PCDHGB1: variants seen among roughly 807,000 people sequenced by gnomAD.
PCDHGB1 encodes protocadherin gamma-B1.
A neutral mutation model predicts 56.6 loss-of-function variants in PCDHGB1; 34 were observed. The observed-to-expected ratio is 0.60, with a 90% confidence interval of 0.46 to 0.80. The LOEUF is 0.80. Among genes scored for constraint, PCDHGB1 ranks in the 30% least tolerant of loss-of-function variants. PCDHGB1 has a pLI of 0.00. For synonymous variants in PCDHGB1, 561 were observed against 505.9 expected (o/e 1.11, Z -1.46); for missense variants, 1,278 against 1,204.6 (o/e 1.06, Z -0.90).
rs202040451 is a variant in PCDHGB1, at chr5:141,382,987, C to A, written c.2409+30318C>A. The A allele has an allele frequency of 1.5e-4, 247 of 1,613,278 alleles. 1 individual carries two copies. The East Asian group carries it at 4.5e-3, about 30-fold the overall frequency. On this transcript the variant is annotated intron_variant, in intron 1 of 3. Transcript: ENST00000523390. ...GACCCCCTGGGAAGCCTGGGCAGGA[C>A]GTATTCTCTACTCCGTGTCGGAGGA...
chr5:141,377,563 C>G (rs987370681), intron 1 of PCDHGB1: 4 of 151,534 alleles, frequency 2.6e-5, no homozygotes, highest in African/African-American at 9.7e-5. Context: ...GTCACTGCAC[C>G]CTAGCCTGGG....
At chr5:141,371,409 G>A in intron 1 of PCDHGB1, 7 of 1,614,022 alleles carry the variant, frequency 4.3e-6, no homozygotes, top group Non-Finnish European at 5.9e-6. Context: ...AGATATTTCA[G>A]ATGAAAATGA....
At position 141,490,162 on chromosome 5, in the gene PCDHGB1, A is replaced by G. The variant is rs1371128858; in HGVS notation, c.2410-4645A>G. The G allele has an allele frequency of 1.2e-6, 2 of 1,614,218 alleles. No individual in the cohort carries two copies. The highest frequency in any genetic ancestry group is 1.7e-6 in the Non-Finnish European group (2 of 1,180,028). ...TGGGGCAATCCATGTGTTGGGTCCCATAGACTTTGAGGAGTCACGTTTCTA... is the reference window on the plus strand; with the variant it reads ...TGGGGCAATCCATGTGTTGGGTCCCGTAGACTTTGAGGAGTCACGTTTCTA... On this transcript the variant is annotated intron_variant, in intron 1 of 3. Transcript: ENST00000523390. This position sits in a 1 kb window ranked among gnomAD's most constrained non-coding sequence, Gnocchi z 5.4.
intron 1 of PCDHGB1, among the ~76,000 whole-genome samples, chr5:141,463,316 T>A (rs1290852110): frequency 1.3e-5 from 2 of 151,806 alleles, no homozygotes; most frequent in African/African-American, 2.4e-5. Flanking sequence ...TAATATCTAT[T>A]CCTCAACTCA....
chr5:141,462,051 G>A (rs1370612703), intron 1 of PCDHGB1, among the ~76,000 whole-genome samples: 2 of 152,068 alleles, frequency 1.3e-5, no homozygotes, highest in African/African-American at 4.8e-5. Context: ...TTGAACTCCC[G>A]ACCTCAGGTG....
intron 2 of PCDHGB1, among the ~76,000 whole-genome samples, chr5:141,496,769 C>T (rs1434587849): frequency 2.0e-5 from 3 of 152,064 alleles, no homozygotes; most frequent in African/African-American, 7.3e-5. Flanking sequence ...CGAGCATCTA[C>T]TATGAGCAGG....
chr5:141,375,826 C>T (rs1771941269), intron 1 of PCDHGB1: 2 of 1,614,166 alleles, frequency 1.2e-6, no homozygotes, highest in South Asian at 1.1e-5. Context: ...CGCCCCGCTC[C>T]GCAGAGCCCG....
At chr5:141,389,240 G>A (rs903029281) in intron 1 of PCDHGB1, 4 of 1,613,902 alleles carry the variant, frequency 2.5e-6, no homozygotes, top group African/African-American at 1.3e-5. Context: ...TTTTCTCACA[G>A]TCTTCCTATA....
chr5:141,391,331 G>A (rs75432065), intron 1 of PCDHGB1: 5 of 95,914 alleles, frequency 5.2e-5, no homozygotes, highest in Non-Finnish European at 6.3e-5. Context: ...TTTTTTTTTT[G>A]AGACAGAGTC....
rs1173991946 is a variant in PCDHGB1 at position 141,351,550 on chromosome 5, C to T, written c.1290C>T (p.Ser430=). 19 of 1,613,940 alleles carry T rather than the reference C, an allele frequency of 1.2e-5. No homozygotes were observed. The highest frequency in any genetic ancestry group is 1.5e-5 in the Non-Finnish European group (18 of 1,179,918). The change falls in exon 1 of 4, where the codon TCC becomes TCT. Residue 430 remains serine (S), a synonymous_variant. Coordinates refer to ENST00000523390, the MANE Select transcript of PCDHGB1 (RefSeq NM_018922.3). ...ACAAGGGCAAACCAGCCCTTTCCTC[C>T]AGGACAAGCATCACCCTGCACATCT... ...ATDKGKPALS[S]RTSITLHISD...
At chr5:141,415,478 GA>G (rs1209443921) in intron 1 of PCDHGB1, 2 of 1,613,964 alleles carry the variant, frequency 1.2e-6, no homozygotes, top group Non-Finnish European at 1.7e-6. Context: ...GCGGACTCGC[GA>G]AAGAGTCACC....
intron 1 of PCDHGB1, chr5:141,392,879 G>T: frequency 1.2e-6 from 2 of 1,613,512 alleles, no homozygotes; most frequent in East Asian, 2.2e-5. Flanking sequence ...TGCTGGGAAC[G>T]CTGTGGGAAA....
At position 141,351,194 on chromosome 5, in the gene PCDHGB1, G is replaced by A. The variant is rs1434678483; in HGVS notation, c.934G>A (p.Val312Met). ...TLDFEETSRYVLSVEAKDGGV... is the reference protein window; with the variant it reads ...TLDFEETSRYMLSVEAKDGGV... ...GGATTTTGAAGAGACAAGTAGATAT[G>A]TGTTGAGTGTGGAAGCTAAGGATGG... Residue 312 changes from valine to methionine, a missense_variant, in exon 1 of 4, where the codon GTG becomes ATG. By Grantham distance (21) the Val-to-Met change is conservative. Transcript: ENST00000523390. 5.0e-6 allele frequency: 8 copies of A among 1,613,944 alleles called. No homozygotes were observed. Among genetic ancestry groups the A allele is most frequent in the Non-Finnish European group, 6.8e-6 (8 of 1,179,900 alleles).
intron 1 of PCDHGB1, chr5:141,373,829 A>T: frequency 2.5e-6 from 1 of 403,392 alleles, no homozygotes; most frequent in Non-Finnish European, 4.4e-6. Flanking sequence ...ACGATGCAGT[A>T]TTAAGTTAGG....
intron 1 of PCDHGB1, chr5:141,393,244 A>C: frequency 6.2e-7 from 1 of 1,613,840 alleles, no homozygotes; most frequent in Non-Finnish European, 8.5e-7. Flanking sequence ...AAAATTAACG[A>C]AATCGCGGTT....
At chr5:141,482,901 A>T (rs192886570) in intron 1 of PCDHGB1, among the ~76,000 whole-genome samples, 2 of 152,240 alleles carry the variant, frequency 1.3e-5, no homozygotes, top group African/African-American at 4.8e-5. Flanking sequence ...GTGAAACCTC[A>T]TCTCTATTAA....
rs776854254 is a variant in PCDHGB1 at position 141,487,285 on chromosome 5, C to T, written c.2410-7522C>T. On this transcript the variant is annotated intron_variant, in intron 1 of 3. Coordinates refer to ENST00000523390, the MANE Select transcript of PCDHGB1 (RefSeq NM_018922.3). This position sits in a 1 kb window ranked among gnomAD's most constrained non-coding sequence, Gnocchi z 5.0. The stretch of plus-strand genomic sequence containing the variant: ...CCCTAGTGGCAATTTGCTTTGTCTC[C>T]TTTGGCTCATTCGTGGCACTACTCT... 8 of 1,614,148 alleles carry T rather than the reference C, an allele frequency of 5.0e-6. No homozygotes were observed. The highest frequency in any genetic ancestry group is 6.8e-6 in the Non-Finnish European group (8 of 1,180,036).
chr5:141,441,672 GCCTTCGA>G (rs1327551430), intron 1 of PCDHGB1: 1 of 290,468 alleles, frequency 3.4e-6, no homozygotes, highest in Non-Finnish European at 6.8e-6. Flanking sequence ...CGCACAGTGC[GCCTTCGA>G]CCAAGAGCAG....
chr5:141,360,074 G>T (rs1338613779), intron 1 of PCDHGB1: 2 of 1,478,456 alleles, frequency 1.4e-6, no homozygotes, highest in South Asian at 1.4e-5. Flanking sequence ...CCTTAGCCCG[G>T]ATTCTGCCAT....
Sources: gnomAD v4.1 joint callset for allele counts (sites outside exome capture counted in the v4.1 genomes callset) on GRCh38, gnomAD v4.1.1 for gene constraint, Gnocchi (gnomAD v3.1) non-coding constraint, MANE v1.5 for transcripts, NCBI Gene and HGNC (gene_info 2026-07-23, HGNC 2026-07-21) for gene names.